Variants in FOXN4 observed in about 807,000 individuals in gnomAD.
FOXN4 encodes forkhead box N4, also known as forkhead box protein N4.
Under a neutral mutation model 45.0 loss-of-function variants are expected in FOXN4, and 12 were observed. The ratio of observed to expected loss-of-function variants is 0.27; its 90% CI spans 0.17 to 0.43. The LOEUF (loss-of-function observed/expected upper bound fraction) is 0.43. Among genes scored for constraint, FOXN4 ranks in the 20% least tolerant of loss-of-function variants. The probability of loss-of-function intolerance (pLI) is 1.00; values close to 1 mark genes in which losing one functional copy is unlikely to be tolerated. For missense variants in FOXN4, 560 were observed against 694.9 expected, an observed-to-expected ratio of 0.81 and a Z score of 2.18; for synonymous variants, 297 against 295.0, an observed-to-expected ratio of 1.01 and a Z score of -0.07.
rs566073504 is a variant in FOXN4, at chr12:109,303,456, A to G, written c.86+4780T>C. Among the ~76,000 whole-genome samples, 3 of 152,364 alleles carry G rather than the reference A, an allele frequency of 2.0e-5. No individual in the cohort carries two copies. The East Asian group carries it at 5.8e-4, about 29-fold the overall frequency. ...TGTTATTTTCACGTGATATTTGTCC[A>G]TTCATCCATCTATCCAGTACATATG... On this transcript the variant is annotated intron_variant, in intron 2 of 9. Transcript: ENST00000299162.
intron 2 of FOXN4, among the ~76,000 whole-genome samples, chr12:109,300,928 A>G (rs1344899161): frequency 6.6e-6 from 1 of 152,118 alleles, no homozygotes; most frequent in African/African-American, 2.4e-5. Flanking sequence ...AAAAATAAAA[A>G]ATAGAAAATA....
chr12:109,301,249 G>C (rs888587525), intron 2 of FOXN4, among the ~76,000 whole-genome samples: 2 of 152,286 alleles, frequency 1.3e-5, no homozygotes, highest in South Asian at 2.1e-4. Context: ...CTCGTGTGCC[G>C]AACAGAGGTG....
rs996039406 is a variant in FOXN4, at chr12:109,288,298, C to A, written c.233-118G>T. The A allele has an allele frequency of 7.2e-6, 10 of 1,388,744 alleles. No homozygotes were observed. Among genetic ancestry groups the A allele is most frequent in the Non-Finnish European group, 9.6e-6 (10 of 1,045,184 alleles). 86.0% of individuals were successfully genotyped at this position (1,388,744 alleles called of 1,614,324 possible). The stretch of plus-strand genomic sequence containing the variant: ...AGCCAGCCCCTTTCCTCGGACCAGG[C>A]ACATAGTAGGTGCTTGGCAAATCAC... On this transcript the variant is annotated intron_variant, in intron 3 of 9. Coordinates refer to ENST00000299162, the MANE Select transcript of FOXN4 (RefSeq NM_213596.3). The surrounding 1 kb of genome is among the most constrained non-coding windows in gnomAD (Gnocchi z 4.3).
intron 2 of FOXN4, among the ~76,000 whole-genome samples, chr12:109,300,132 T>G (rs765235200): frequency 6.6e-6 from 1 of 152,202 alleles, no homozygotes; most frequent in Non-Finnish European, 1.5e-5. Flanking sequence ...GGTCCCATTA[T>G]AGTAAACATC....
rs1201857769 is a variant in FOXN4 at position 109,307,643 on chromosome 12, T to G, written c.86+593A>C. ...TCCATGCATCCTCTCAGTTGTACCT[T>G]GCTTCACCCTGTTTCAAGGCCTCAG... On this transcript the variant is annotated intron_variant, in intron 2 of 9. Transcript: ENST00000299162. 2.0e-5 allele frequency among the ~76,000 whole-genome samples: 3 copies of G among 152,294 alleles called. No individual in the cohort carries two copies. The East Asian group carries it at 5.8e-4, about 29-fold the overall frequency.
At chr12:109,282,770 T>G (rs1274365648) in intron 8 of FOXN4, among the ~76,000 whole-genome samples, 3 of 152,200 alleles carry the variant, frequency 2.0e-5, no homozygotes, top group Non-Finnish European at 4.4e-5. Flanking sequence ...TCTTGTTGAG[T>G]GCAACACAGG....
Position 109,287,936 on chromosome 12 carries a change from C to T in FOXN4, c.376G>A (p.Gly126Arg), listed in dbSNP as rs1414051523. The change falls in exon 5 of 10, where the codon GGG (glycine) becomes AGG (arginine). Residue 126 changes from glycine (G) to arginine (R), a missense_variant. By Grantham distance (125) the Gly-to-Arg change is moderately radical (BLOSUM62 -2). Around this residue, in one of 5 missense-constraint regions of FOXN4, gnomAD observed 142 missense variants for 185.7 expected, o/e 0.76. Transcript: ENST00000299162. The surrounding 1 kb of genome is among the most constrained non-coding windows in gnomAD (Gnocchi z 4.1). Reference protein sequence around the residue: ...HRDSMSQFPVGGQPSSGLQDP... With the variant: ...HRDSMSQFPVRGQPSSGLQDP... ...TGCAGGCCAGATGAGGGCTGGCCCC[C>T]CACGGGGAACTGGCTCATCTGCTGG... is the stretch of plus-strand genomic sequence containing the variant. The T allele has an allele frequency of 1.3e-6, 2 of 1,549,948 alleles. No individual in the cohort carries two copies. The highest frequency in any genetic ancestry group is 2.0e-5 in the Admixed American group (1 of 50,982).
At position 109,291,904 on chromosome 12, in the gene FOXN4, A is replaced by AT. The variant is rs2136930561; in HGVS notation, c.87-1619dup. Among the ~76,000 whole-genome samples, 1 of 151,936 alleles carries AT rather than the reference A, an allele frequency of 6.6e-6. No homozygotes were observed. Among genetic ancestry groups the AT allele is most frequent in the South Asian group, 2.1e-4 (1 of 4,800 alleles). On this transcript the variant is annotated intron_variant, in intron 2 of 9. Transcript: ENST00000299162. The surrounding 1 kb of genome is among the most constrained non-coding windows in gnomAD (Gnocchi z 6.6). ...CCCATTGTCCCAGGGTCTCAGTGCAATTGTTTCTGCAGCCCCCCGGCTGCC... is the reference window on the plus strand; with the variant it reads ...CCCATTGTCCCAGGGTCTCAGTGCAATTTGTTTCTGCAGCCCCCCGGCTGCC...
At chr12:109,308,177 G>A (rs2047938056) in intron 2 of FOXN4, 59 bp downstream of exon 2, 3 of 1,340,892 alleles carry the variant, frequency 2.2e-6, no homozygotes, top group East Asian at 2.5e-5. Context: ...ACCATAAACA[G>A]CATACAAACA....
rs778633427 is a variant in FOXN4, at chr12:109,287,836, C to A, written c.468+8G>T. On this transcript the variant is annotated splice_region_variant and intron_variant, in intron 5 of 9. Transcript: ENST00000299162. The surrounding 1 kb of genome is among the most constrained non-coding windows in gnomAD (Gnocchi z 4.1). ...GCTCAGTCCAGGGCTCCCCTGAGCC[C>A]TTGGTACCTGCTGGGCACCCGGGGG... 2 of 1,547,644 alleles carry A rather than the reference C, an allele frequency of 1.3e-6. No individual in the cohort carries two copies. Among genetic ancestry groups the A allele is most frequent in the Non-Finnish European group, 1.7e-6 (2 of 1,146,250 alleles).
Position 109,279,700 on chromosome 12 carries a change from G to C in FOXN4, c.1525C>G (p.Gln509Glu). 6.4e-7 allele frequency: 1 copy of C among 1,573,244 alleles called. No individual in the cohort carries two copies. Among genetic ancestry groups the C allele is most frequent in the East Asian group, 2.4e-5 (1 of 42,342 alleles). ...TSSSSQYLGA[Q>E]GNKPIALL ...AGCAGGGCTATAGGCTTGTTCCCCT[G>C]TGCACCCAGGTACTGGGAGGAGGAG... Residue 509 changes from glutamine to glutamate, a missense_variant, in exon 10 of 10, where the codon CAG (glutamine) becomes GAG (glutamate). This residue lies in a region of FOXN4 where 315 missense variants were observed against 350.5 expected (regional missense o/e 0.90). Coordinates refer to ENST00000299162, the MANE Select transcript of FOXN4 (RefSeq NM_213596.3).
At chr12:109,283,607 C>G (rs1004167681) in intron 8 of FOXN4, among the ~76,000 whole-genome samples, 2 of 151,746 alleles carry the variant, frequency 1.3e-5, no homozygotes, top group African/African-American at 4.8e-5. Context: ...TCCTAAGTAG[C>G]TGGGATTACA....
chr12:109,284,572 C>CAT (rs1565998023), intron 8 of FOXN4, among the ~76,000 whole-genome samples: 15 of 144,358 alleles, frequency 1.0e-4, no homozygotes, highest in Non-Finnish European at 2.1e-4. Context: ...TGTGTGCGTG[C>CAT]GTGTGTGTGT....
Position 109,287,991 on chromosome 12 carries a change from G to C in FOXN4, c.358-37C>G, listed in dbSNP as rs375260471. ...GAAGAGGAGGAGACAGAGGGTCACG[G>C]TGGGGGTAGACACCCAGTCTGGAGG... is the stretch of plus-strand genomic sequence containing the variant. On this transcript the variant is annotated intron_variant, in intron 4 of 9. Transcript: ENST00000299162. The surrounding 1 kb of genome is among the most constrained non-coding windows in gnomAD (Gnocchi z 4.1). The C allele has an allele frequency of 3.5e-4, 547 of 1,549,690 alleles. 3 individuals carry two copies. In the East Asian group the frequency reaches 0.01, roughly 30 times the overall value.
At chr12:109,308,826 T>C (rs1247446881) in intron 1 of FOXN4, among the ~76,000 whole-genome samples, 1 of 152,046 alleles carries the variant, frequency 6.6e-6, no homozygotes, top group Non-Finnish European at 1.5e-5. Flanking sequence ...CACAAGCCCT[T>C]ACTGGAAAAC....
rs71443850 is a variant in FOXN4 at position 109,285,274 on chromosome 12, T to TGTGC, written c.901+29_901+30insGCAC. ...GTGTGTGTGTGTGTGTGTGTGTGTGTGCGCGCACTGCGGGCTGTCCGGCCC... is the reference window on the plus strand; with the variant it reads ...GTGTGTGTGTGTGTGTGTGTGTGTGTGTGCGCGCGCACTGCGGGCTGTCCGGCCC... On this transcript the variant is annotated intron_variant, in intron 8 of 9. Transcript: ENST00000299162. 2.2e-3 allele frequency: 3,330 copies of TGTGC among 1,535,746 alleles called. 27 individuals carry two copies. The African/African-American group carries it at 0.033, about 15-fold the overall frequency.
chr12:109,301,849 T>C (rs2047871941), intron 2 of FOXN4, among the ~76,000 whole-genome samples: 1 of 152,218 alleles, frequency 6.6e-6, no homozygotes, highest in Non-Finnish European at 1.5e-5. Flanking sequence ...CTCTCAAGTA[T>C]GAAAGCTAGA....
At chr12:109,282,484 C>G (rs887357731) in intron 8 of FOXN4, among the ~76,000 whole-genome samples, 1 of 152,020 alleles carries the variant, frequency 6.6e-6, no homozygotes, top group African/African-American at 2.4e-5. Flanking sequence ...ACACTAGCCC[C>G]TTTCATCTTT....
intron 8 of FOXN4, among the ~76,000 whole-genome samples, chr12:109,283,175 A>AT (rs5800846): frequency 3.3e-5 from 5 of 151,564 alleles, no homozygotes; most frequent in Admixed American, 6.6e-5. Context: ...AAATCCATTA[A>AT]TTTTTTTTTT....
Sources: allele counts gnomAD v4.1 joint callset (sites outside exome capture counted in the v4.1 genomes callset), GRCh38; gene constraint gnomAD v4.1.1; regional missense constraint gnomAD v4.1.1; non-coding constraint Gnocchi (gnomAD v3.1); transcripts MANE v1.5; gene names NCBI Gene and HGNC (gene_info 2026-07-23, HGNC 2026-07-21).